The following OPCML variants were observed in gnomAD, a reference collection of about 807,000 sequenced individuals.
OPCML encodes the protein opioid binding protein/cell adhesion molecule like, also known as opioid-binding protein/cell adhesion molecule.
A neutral mutation model predicts 37.8 loss-of-function variants in OPCML; 13 were observed. The observed-to-expected ratio is 0.34, with a 90% CI of 0.22 to 0.55. The LOEUF is 0.55. Among genes scored for constraint, OPCML ranks in the 20% least tolerant of loss-of-function variants. The pLI is 0.91. For synonymous variants in OPCML, 176 were observed against 168.8 expected (o/e 1.04, Z -0.33); for missense variants, 341 against 435.6 (o/e 0.78, Z 1.93).
intron 1 of OPCML, among the ~76,000 whole-genome samples, chr11:133,233,450 G>C (rs1317628558): frequency 6.6e-6 from 1 of 152,182 alleles, no homozygotes; most frequent in Non-Finnish European, 1.5e-5. Context: ...TGGGGATGGA[G>C]AGTCAATGCC....
rs984814586 is a variant in OPCML, at chr11:133,184,556, G to A, written c.62-241546C>T. On this transcript the variant is annotated intron_variant, in intron 1 of 7. Transcript: ENST00000524381. Reference sequence around the variant, plus strand: ...TGGCAGAAACATCTGTGCCTTAGAAGTGTGCTCCGCTGGCCCTCCGTTATC... The same window carrying A: ...TGGCAGAAACATCTGTGCCTTAGAAATGTGCTCCGCTGGCCCTCCGTTATC... Among the ~76,000 whole-genome samples, 20 of 152,216 alleles carry A rather than the reference G, an allele frequency of 1.3e-4. 1 individual carries two copies. The highest frequency in any genetic ancestry group is 1.1e-3 in the Admixed American group (17 of 15,290).
intron 1 of OPCML, among the ~76,000 whole-genome samples, chr11:133,315,819 G>T (rs1943193087): frequency 6.6e-6 from 1 of 152,092 alleles, no homozygotes; most frequent in South Asian, 2.1e-4. Context: ...AAGAATTCAT[G>T]TCCCTCTTCA....
intron 3 of OPCML, among the ~76,000 whole-genome samples, chr11:132,576,501 T>A (rs1395975478): frequency 1.3e-5 from 2 of 152,174 alleles, no homozygotes; most frequent in Non-Finnish European, 2.9e-5. Context: ...AATATTTGTA[T>A]CTCTTTGTTG....
intron 4 of OPCML, among the ~76,000 whole-genome samples, chr11:132,439,174 T>C (rs1398887407): frequency 6.6e-6 from 1 of 151,966 alleles, no homozygotes; most frequent in African/African-American, 2.4e-5. Flanking sequence ...TCAGAGTCAT[T>C]GGGAAATCTG....
intron 1 of OPCML, among the ~76,000 whole-genome samples, chr11:133,190,275 G>A (rs558069301): frequency 6.6e-6 from 1 of 152,286 alleles, no homozygotes; most frequent in African/African-American, 2.4e-5. Context: ...GGCAGTATGT[G>A]CAAGTATAAT....
At chr11:132,966,456 G>GT (rs1259747116) in intron 1 of OPCML, among the ~76,000 whole-genome samples, 2 of 152,006 alleles carry the variant, frequency 1.3e-5, no homozygotes, top group Admixed American at 1.3e-4. Flanking sequence ...ATGAATTCCT[G>GT]TTTTATGGCC....
intron 1 of OPCML, among the ~76,000 whole-genome samples, chr11:133,394,323 AT>A (rs1042443508): frequency 3.3e-5 from 5 of 152,186 alleles, no homozygotes; most frequent in African/African-American, 1.2e-4. Context: ...TACATGAGAT[AT>A]TTTGGTACAG....
rs560283251 is a variant in OPCML, at chr11:133,132,211, T to C, written c.62-189201A>G. ...AAGAAATACCAGCCCAATTAAAACA[T>C]TGGCAGATGATTTGAAAAACACTTC... On this transcript the variant is annotated intron_variant, in intron 1 of 7. Transcript: ENST00000524381. Among the ~76,000 whole-genome samples, 4 of 152,310 alleles carry C rather than the reference T, an allele frequency of 2.6e-5. No homozygotes were observed. In the East Asian group the frequency reaches 5.8e-4, roughly 22 times the overall value.
chr11:133,391,766 GT>G (rs1945179345), intron 1 of OPCML, among the ~76,000 whole-genome samples: 1 of 152,106 alleles, frequency 6.6e-6, no homozygotes, highest in Non-Finnish European at 1.5e-5. Context: ...TGCTTATCAC[GT>G]GTCAGACCTA....
chr11:132,943,763 C>G lies in OPCML; in HGVS notation c.62-753G>C, dbSNP rs1252028226. The stretch of plus-strand genomic sequence containing the variant: ...CGCGGCCAGCCGGGGGAGCGCCGCC[C>G]GGCGCAGGCTCCGGGCGCACGGGGA... On this transcript the variant is annotated intron_variant, in intron 1 of 7. Coordinates refer to ENST00000524381, the MANE Select transcript of OPCML (RefSeq NM_001012393.5). This position sits in a 1 kb window ranked among gnomAD's most constrained non-coding sequence, Gnocchi z 4.3. The G allele has an allele frequency of 6.6e-6, 1 of 150,676 alleles. No homozygotes were observed. The highest frequency in any genetic ancestry group is 2.4e-5 in the African/African-American group (1 of 41,288). 9.3% of individuals were successfully genotyped at this position (150,676 alleles called of 1,614,324 possible).
intron 7 of OPCML, 30 bp downstream of exon 7, chr11:132,436,056 G>A: frequency 1.2e-6 from 2 of 1,602,686 alleles, no homozygotes; most frequent in Non-Finnish European, 1.7e-6. Flanking sequence ...ATGTGGCTGA[G>A]CCCACTGCAT....
At chr11:132,513,092 T>C (rs576048173) in intron 4 of OPCML, among the ~76,000 whole-genome samples, 2 of 152,278 alleles carry the variant, frequency 1.3e-5, no homozygotes, top group Admixed American at 1.3e-4. Context: ...AAGGTATAGA[T>C]GTTTTCTTGA....
chr11:133,003,788 T>C, intron 1 of OPCML: 1 of 985,386 alleles, frequency 1.0e-6, no homozygotes, highest in Non-Finnish European at 1.2e-6. Flanking sequence ...CCCAGAGTGT[T>C]CTTTGTGCTG....
At chr11:132,972,120 G>A (rs1325136870) in intron 1 of OPCML, among the ~76,000 whole-genome samples, 1 of 152,080 alleles carries the variant, frequency 6.6e-6, no homozygotes, top group East Asian at 1.9e-4. Flanking sequence ...TCCTGGTCCA[G>A]GCAGCTTCCC....
chr11:132,640,651 G>A (rs1375615579), intron 3 of OPCML, among the ~76,000 whole-genome samples: 1 of 152,184 alleles, frequency 6.6e-6, no homozygotes, highest in Non-Finnish European at 1.5e-5. Flanking sequence ...GAAAGACTTT[G>A]TTCCCATCCT....
chr11:133,291,916 C>G lies in OPCML; in HGVS notation c.61+240348G>C, dbSNP rs138850631. Among the ~76,000 whole-genome samples, 58 of 152,356 alleles carry G rather than the reference C, an allele frequency of 3.8e-4. No homozygotes were observed. The East Asian group carries it at 0.011, about 29-fold the overall frequency. ...CCGGCTTGTGTGTGAGAAGCCAGCT[C>G]GCTCTGGATGTGCGATTCTGCAGTC... On this transcript the variant is annotated intron_variant, in intron 1 of 7. Transcript: ENST00000524381.
rs1565467980 is a variant in OPCML, at chr11:133,140,796, A to AGAAGAAGACGACGAC, written c.62-197787_62-197786insGTCGTCGTCTTCTTC. On this transcript the variant is annotated intron_variant, in intron 1 of 7. Coordinates refer to ENST00000524381, the MANE Select transcript of OPCML (RefSeq NM_001012393.5). Reference sequence around the variant, plus strand: ...AAGAAGAAGAAGACGACGAAGAAGAAGAAGAAGAAGACGACGACGAAGAAG... The same window carrying AGAAGAAGACGACGAC: ...AAGAAGAAGAAGACGACGAAGAAGAAGAAGAAGACGACGACGAAGAAGAAGACGACGACGAAGAAG... Among the ~76,000 whole-genome samples, 8 of 142,550 alleles carry AGAAGAAGACGACGAC rather than the reference A, an allele frequency of 5.6e-5. 1 individual carries two copies. The highest frequency in any genetic ancestry group is 2.1e-4 in the African/African-American group (8 of 38,080). The allele number at this position is 142,550 out of a possible 152,430, so 93.5% of individuals were successfully genotyped here. A position where few individuals can be genotyped will look rare whatever the true frequency, so the allele number is the denominator to read the frequency against.
chr11:132,595,275 A>T (rs1245368955), intron 3 of OPCML, among the ~76,000 whole-genome samples: 1 of 152,106 alleles, frequency 6.6e-6, no homozygotes, highest in Non-Finnish European at 1.5e-5. Flanking sequence ...AAAGTAAATT[A>T]AAAAATATAG....
intron 1 of OPCML, among the ~76,000 whole-genome samples, chr11:133,369,173 C>A (rs1486649355): frequency 6.6e-6 from 1 of 152,112 alleles, no homozygotes; most frequent in Non-Finnish European, 1.5e-5. Flanking sequence ...AAAACATGGG[C>A]CCTGGCTTAG....
Sources: gnomAD v4.1 joint callset for allele counts (sites outside exome capture counted in the v4.1 genomes callset) on GRCh38, gnomAD v4.1.1 for gene constraint, Gnocchi (gnomAD v3.1) non-coding constraint, MANE v1.5 for transcripts, NCBI Gene and HGNC (gene_info 2026-07-23, HGNC 2026-07-21) for gene names.